MIER2: variants seen among roughly 807,000 people sequenced by gnomAD.
The protein encoded by MIER2 is mesoderm induction early response protein 2.
MIER2 carries 30 observed loss-of-function variants against 67.6 expected under a neutral mutation model. The observed-to-expected ratio is 0.44, with a 90% CI of 0.33 to 0.60. MIER2 has a LOEUF of 0.60. Among genes scored for constraint, MIER2 ranks in the 20% least tolerant of loss-of-function variants. The probability of loss-of-function intolerance (pLI) is 0.02; values close to 1 mark genes in which losing one functional copy is unlikely to be tolerated. For synonymous variants in MIER2, 372 were observed against 312.6 expected (o/e 1.19, Z -2.00); for missense variants, 702 against 745.1 (o/e 0.94, Z 0.67).
Position 308,837 on chromosome 19 carries a change from C to G in MIER2, c.1073G>C (p.Arg358Pro), listed in dbSNP as rs562303807. The G allele has an allele frequency of 6.2e-7, 1 of 1,609,528 alleles. No homozygotes were observed. Among genetic ancestry groups the G allele is most frequent in the South Asian group, 1.1e-5 (1 of 91,034 alleles). Residue 358 changes from arginine (R) to proline (P), a missense_variant, in exon 11 of 14, where the codon CGG (arginine) becomes CCG (proline). Physicochemically the swap from Arg to Pro is moderately radical, Grantham distance 103 (BLOSUM62 -2). Around this residue, in one of 3 missense-constraint regions of MIER2, gnomAD observed 128 missense variants for 189.7 expected, o/e 0.67. Coordinates refer to ENST00000264819, the MANE Select transcript of MIER2 (RefSeq NM_017550.3). This position sits in a 1 kb window ranked among gnomAD's most constrained non-coding sequence, Gnocchi z 9.1. ...ERYDYFAQQT[R>P]LGRRKYVPSG... ...CGGGACGTACTTCCTCCGGCCCAGC[C>G]GCGTCTGCTGGGCGAAGTAGTCGTA...
intron 1 of MIER2, among the ~76,000 whole-genome samples, 188 bp from the exon 2 acceptor site, chr19:336,361 C>A (rs767511795): frequency 6.6e-6 from 1 of 152,250 alleles, no homozygotes; most frequent in South Asian, 2.1e-4. Flanking sequence ...CCACTCGCCC[C>A]GCCTCCCACC....
intron 1 of MIER2, chr19:344,046 T>A (rs1355059369): frequency 1.0e-6 from 1 of 985,306 alleles, no homozygotes; most frequent in Non-Finnish European, 1.2e-6. Flanking sequence ...TTCCAAAATA[T>A]AGCTGGTCCC....
chr19:308,759 G>A lies in MIER2; in HGVS notation c.1109+42C>T. ...GGCGCCCACGTGCCCACCCCCGGCG[G>A]GGTGGCCGCCTGTCGTTACTGCTGG... On this transcript the variant is annotated intron_variant, in intron 11 of 13. Coordinates refer to ENST00000264819, the MANE Select transcript of MIER2 (RefSeq NM_017550.3). This position sits in a 1 kb window ranked among gnomAD's most constrained non-coding sequence, Gnocchi z 9.1. 1 of 1,593,796 alleles carries A rather than the reference G, an allele frequency of 6.3e-7. No homozygotes were observed. The highest frequency in any genetic ancestry group is 8.6e-7 in the Non-Finnish European group (1 of 1,165,400).
intron 1 of MIER2, among the ~76,000 whole-genome samples, chr19:341,500 A>G (rs60721162): frequency 0.22 from 34,029 of 152,096 alleles, 5,064 homozygotes; most frequent in African/African-American, 0.42. Flanking sequence ...GGGATCCCCA[A>G]GTTCATTTCC....
intron 1 of MIER2, among the ~76,000 whole-genome samples, chr19:343,490 C>T (rs1485787121): frequency 6.6e-6 from 1 of 152,158 alleles, no homozygotes; most frequent in Non-Finnish European, 1.5e-5. Flanking sequence ...AGTATCGAGA[C>T]ACCTACACCG....
intron 7 of MIER2, among the ~76,000 whole-genome samples, chr19:321,864 G>A (rs1255948818): frequency 2.6e-5 from 4 of 151,958 alleles, no homozygotes; most frequent in Admixed American, 2.6e-4. Flanking sequence ...CAGCTCAGTG[G>A]GGGAGACAAT....
chr19:310,520 TGA>T (rs1970907412), intron 10 of MIER2, among the ~76,000 whole-genome samples: 1 of 33,850 alleles, frequency 3.0e-5, no homozygotes, highest in Non-Finnish European at 4.8e-5. Context: ...AACGCGGCCC[TGA>T]GCTATAGAAA....
intron 3 of MIER2, among the ~76,000 whole-genome samples, chr19:331,374 A>C (rs1047313695): frequency 1.3e-5 from 2 of 151,596 alleles, no homozygotes; most frequent in Admixed American, 1.3e-4. Flanking sequence ...AAAAAAAAAA[A>C]GACAGAAACT....
intron 3 of MIER2, among the ~76,000 whole-genome samples, chr19:329,474 A>C (rs1391021993): frequency 1.3e-5 from 2 of 152,194 alleles, no homozygotes; most frequent in Non-Finnish European, 2.9e-5. Flanking sequence ...CTGATAGTGC[A>C]GCATTGGCAG....
At chr19:339,157 A>G (rs533284127) in intron 1 of MIER2, among the ~76,000 whole-genome samples, 11 of 152,254 alleles carry the variant, frequency 7.2e-5, no homozygotes, top group African/African-American at 2.4e-4. Flanking sequence ...GACGCCCCCA[A>G]GAAAGTGAAA....
intron 2 of MIER2, 151 bp downstream of exon 2, chr19:335,932 A>G (rs1057458562): frequency 8.3e-6 from 6 of 725,484 alleles, no homozygotes; most frequent in African/African-American, 7.1e-5. Context: ...TCTGCCCCAC[A>G]GCTCCATCTG....
intron 2 of MIER2, 151 bp from the exon 3 acceptor site, chr19:334,693 A>G: frequency 9.9e-7 from 1 of 1,009,732 alleles, no homozygotes; most frequent in Non-Finnish European, 1.4e-6. Context: ...AGGACACCCC[A>G]CGACTAATGC....
chr19:338,478 A>C (rs1245612068), intron 1 of MIER2, among the ~76,000 whole-genome samples: 7 of 152,190 alleles, frequency 4.6e-5, no homozygotes. Context: ...CATGGCTGAG[A>C]AGACAACATT....
At chr19:343,413 C>T (rs906191488) in intron 1 of MIER2, among the ~76,000 whole-genome samples, 5 of 152,246 alleles carry the variant, frequency 3.3e-5, no homozygotes, top group African/African-American at 1.2e-4. Context: ...TGCATGGGGA[C>T]TCAGTCTCCC....
rs968085126 is a variant in MIER2 at position 306,558 on chromosome 19, G to A, written c.*132C>T. On this transcript the variant is annotated 3_prime_UTR_variant, in exon 14 of 14. Transcript: ENST00000264819. ...CCAGCCACCTCACCCCAGTCCTGAC[G>A]TGTTCTGAAGCAGAAGGAGGTGCTA... 45 of 1,220,716 alleles carry A rather than the reference G, an allele frequency of 3.7e-5. No homozygotes were observed. Among genetic ancestry groups the A allele is most frequent in the Admixed American group, 1.4e-4 (7 of 48,736 alleles). 75.6% of individuals were successfully genotyped at this position (1,220,716 alleles called of 1,614,324 possible). A position where few individuals can be genotyped will look rare whatever the true frequency, so the allele number is the denominator to read the frequency against.
chr19:314,476 A>T (rs1049176324), intron 7 of MIER2, among the ~76,000 whole-genome samples: 8 of 152,200 alleles, frequency 5.3e-5, no homozygotes, highest in Non-Finnish European at 1.2e-4. Context: ...GCAAACCAAC[A>T]AATAAAAAAC....
chr19:330,565 A>C (rs1052189028), intron 3 of MIER2, among the ~76,000 whole-genome samples: 2 of 151,960 alleles, frequency 1.3e-5, no homozygotes, highest in African/African-American at 4.8e-5. Flanking sequence ...GAAAAAAAAA[A>C]AAAAAAAACT....
At chr19:342,564 G>A (rs1972554531) in intron 1 of MIER2, among the ~76,000 whole-genome samples, 1 of 150,622 alleles carries the variant, frequency 6.6e-6, no homozygotes, top group African/African-American at 2.5e-5. Context: ...GAGGGTTTTA[G>A]GTAGGAGCAA....
At chr19:325,779 G>A (rs1201003293) in intron 6 of MIER2, 75 bp from the exon 7 acceptor site, 4 of 1,540,634 alleles carry the variant, frequency 2.6e-6, no homozygotes, top group South Asian at 1.1e-5. Context: ...GCAGCGTGCT[G>A]TGGCAGGCTT....
Sources: gnomAD v4.1 joint callset for allele counts (sites outside exome capture counted in the v4.1 genomes callset) on GRCh38, gnomAD v4.1.1 for gene constraint, gnomAD v4.1.1 regional missense constraint, Gnocchi (gnomAD v3.1) non-coding constraint, MANE v1.5 for transcripts, NCBI Gene and HGNC (gene_info 2026-07-23, HGNC 2026-07-21) for gene names.